SLC39A11: variants seen among roughly 807,000 people sequenced by gnomAD.
The protein encoded by SLC39A11 is zinc transporter ZIP11.
Under a neutral mutation model 36.1 loss-of-function variants are expected in SLC39A11, and 33 were observed. The ratio of observed to expected loss-of-function variants is 0.91; its 90% CI spans 0.69 to 1.22. The LOEUF (loss-of-function observed/expected upper bound fraction) is 1.22, where lower values mean the gene tolerates loss of function less well. Among genes scored for constraint, SLC39A11 ranks in the 50% most tolerant of loss-of-function variants. The pLI, the probability that SLC39A11 is intolerant of heterozygous loss-of-function variation, is 0.00. For synonymous variants in SLC39A11, 166 were observed against 170.3 expected (o/e 0.97, Z 0.20); for missense variants, 432 against 430.3 (o/e 1.00, Z -0.03).
At chr17:73,015,665 C>T (rs1020179623) in intron 4 of SLC39A11, among the ~76,000 whole-genome samples, 1 of 152,116 alleles carries the variant, frequency 6.6e-6, no homozygotes. Flanking sequence ...CTCACTGCAA[C>T]CCCCACCTCC....
At position 72,904,078 on chromosome 17, in the gene SLC39A11, A is replaced by G. The variant is rs1363244241; in HGVS notation, c.430+43674T>C. On this transcript the variant is annotated intron_variant, in intron 5 of 9. Coordinates refer to ENST00000255559, the MANE Select transcript of SLC39A11 (RefSeq NM_139177.4). ...GCTAGGGCCTCCTTCCTCAGTAGTC[A>G]TTACTGCTAGGGAGGGCAGATGACA... is the stretch of plus-strand genomic sequence containing the variant. 3.3e-5 allele frequency among the ~76,000 whole-genome samples: 5 copies of G among 152,304 alleles called. No individual in the cohort carries two copies. In the East Asian group the frequency reaches 9.7e-4, roughly 29 times the overall value.
intron 3 of SLC39A11, among the ~76,000 whole-genome samples, chr17:73,061,532 T>C (rs1487694229): frequency 6.6e-6 from 1 of 152,214 alleles, no homozygotes; most frequent in African/African-American, 2.4e-5. Context: ...CTAAGATTTA[T>C]CCAAGTCAAA....
chr17:72,895,897 T>C (rs2082003013), intron 5 of SLC39A11, among the ~76,000 whole-genome samples: 1 of 152,298 alleles, frequency 6.6e-6, no homozygotes, highest in African/African-American at 2.4e-5. Context: ...AAATTGCTAA[T>C]ATAGATCATA....
chr17:72,753,879 A>C (rs1204811864), intron 6 of SLC39A11, among the ~76,000 whole-genome samples: 1 of 130,870 alleles, frequency 7.6e-6, no homozygotes, highest in Non-Finnish European at 1.6e-5. Flanking sequence ...CCATAGGAAA[A>C]GTCATTATAC....
chr17:72,925,681 A>G lies in SLC39A11; in HGVS notation c.430+22071T>C, dbSNP rs978926612. Among the ~76,000 whole-genome samples, 63 of 152,220 alleles carry G rather than the reference A, an allele frequency of 4.1e-4. 1 individual carries two copies. Among genetic ancestry groups the G allele is most frequent in the Non-Finnish European group, 5.9e-5 (4 of 68,042 alleles). ...TCCCTGTACAATGTCAGACTTTGCC[A>G]TATGATTTGTTAAGCAACAGAATGT... is the stretch of plus-strand genomic sequence containing the variant. On this transcript the variant is annotated intron_variant, in intron 5 of 9. Transcript: ENST00000255559.
chr17:72,958,687 C>A (rs2086401871), intron 4 of SLC39A11, among the ~76,000 whole-genome samples: 1 of 151,924 alleles, frequency 6.6e-6, no homozygotes, highest in African/African-American at 2.4e-5. Flanking sequence ...CCCGTCTCTA[C>A]TAAAAATACA....
chr17:72,974,348 C>T (rs1001851577), intron 4 of SLC39A11, among the ~76,000 whole-genome samples: 10 of 151,690 alleles, frequency 6.6e-5, no homozygotes, highest in African/African-American at 2.2e-4. Context: ...GATCCACCCA[C>T]CTTGGCCTCC....
chr17:72,664,668 A>G (rs1248499405), intron 7 of SLC39A11, among the ~76,000 whole-genome samples: 1 of 152,174 alleles, frequency 6.6e-6, no homozygotes, highest in Non-Finnish European at 1.5e-5. Context: ...AAGTCTGATT[A>G]TGCTGCTCCT....
At chr17:72,869,578 C>T (rs2080496181) in intron 5 of SLC39A11, among the ~76,000 whole-genome samples, 1 of 152,090 alleles carries the variant, frequency 6.6e-6, no homozygotes, top group African/African-American at 2.4e-5. Context: ...TTAGTAGAGA[C>T]CATGTTGGCC....
intron 5 of SLC39A11, among the ~76,000 whole-genome samples, chr17:72,923,837 T>A (rs892844968): frequency 6.6e-6 from 1 of 152,014 alleles, no homozygotes; most frequent in African/African-American, 2.4e-5. Flanking sequence ...TGATTTCTCA[T>A]CTCCTATAAA....
chr17:72,841,273 T>A (rs2078795835), intron 6 of SLC39A11, among the ~76,000 whole-genome samples: 1 of 152,116 alleles, frequency 6.6e-6, no homozygotes. Flanking sequence ...CAGGGGCAAA[T>A]AAACATGTTT....
At chr17:73,018,868 T>C (rs1225396155) in intron 4 of SLC39A11, among the ~76,000 whole-genome samples, 2 of 149,724 alleles carry the variant, frequency 1.3e-5, no homozygotes, top group Non-Finnish European at 3.0e-5. Context: ...TCAAGAAAGA[T>C]AAACATAAAG....
chr17:72,728,098 T>A (rs1322028931), intron 7 of SLC39A11, among the ~76,000 whole-genome samples: 2 of 152,130 alleles, frequency 1.3e-5, no homozygotes, highest in African/African-American at 2.4e-5. Context: ...TAATGATGAA[T>A]ATGGGCTAAA....
At chr17:72,889,884 G>A (rs934698572) in intron 5 of SLC39A11, among the ~76,000 whole-genome samples, 9 of 152,272 alleles carry the variant, frequency 5.9e-5, no homozygotes, top group African/African-American at 9.6e-5. Flanking sequence ...CTTGAGTATC[G>A]TGTAAGGAGC....
chr17:72,942,765 G>A (rs112078994), intron 5 of SLC39A11, among the ~76,000 whole-genome samples: 32 of 152,240 alleles, frequency 2.1e-4, no homozygotes, highest in African/African-American at 7.2e-4. Flanking sequence ...TGAGCTTATA[G>A]CGAGAACCAG....
At chr17:72,769,691 C>T (rs560212233) in intron 6 of SLC39A11, among the ~76,000 whole-genome samples, 4 of 152,180 alleles carry the variant, frequency 2.6e-5, no homozygotes, top group East Asian at 3.9e-4. Context: ...ACTACAGGTG[C>T]GTGCCACCAC....
intron 5 of SLC39A11, among the ~76,000 whole-genome samples, chr17:72,900,973 C>A (rs1204122248): frequency 6.7e-6 from 1 of 149,902 alleles, no homozygotes; most frequent in Non-Finnish European, 1.5e-5. Context: ...AACAAACAAA[C>A]AAACAACAAA....
chr17:73,068,402 C>T, intron 3 of SLC39A11: 2 of 448,900 alleles, frequency 4.5e-6, no homozygotes, highest in East Asian at 7.2e-5. Context: ...AGCAGAGAAG[C>T]AGGAAACATC....
intron 7 of SLC39A11, among the ~76,000 whole-genome samples, chr17:72,734,229 C>A (rs2074337128): frequency 6.6e-6 from 1 of 152,100 alleles, no homozygotes; most frequent in Non-Finnish European, 1.5e-5. Context: ...GAAGAAGATG[C>A]CAGACATTTA....
Sources: allele counts gnomAD v4.1 joint callset (sites outside exome capture counted in the v4.1 genomes callset), GRCh38; gene constraint gnomAD v4.1.1; transcripts MANE v1.5; gene names NCBI Gene and HGNC (gene_info 2026-07-23, HGNC 2026-07-21).